Variants in CADPS2 observed in about 807,000 individuals in gnomAD.
CADPS2 encodes calcium-dependent secretion activator 2.
Under a neutral mutation model 172.5 loss-of-function variants are expected in CADPS2, and 93 were observed. That is an observed-to-expected ratio of 0.54 (90% CI 0.46 to 0.64). The LOEUF (loss-of-function observed/expected upper bound fraction) is 0.64, where lower values mean the gene tolerates loss of function less well. Ranked by LOEUF, CADPS2 falls within the 30% of genes least tolerant of loss-of-function variation. The pLI, the probability that CADPS2 is intolerant of heterozygous loss-of-function variation, is 0.00. For synonymous variants in CADPS2, 546 were observed against 555.2 expected, an observed-to-expected ratio of 0.98 and a Z score of 0.23; for missense variants, 1,420 against 1,565.9, an observed-to-expected ratio of 0.91 and a Z score of 1.57.
At chr7:122,402,902 G>A (rs1006526195) in intron 20 of CADPS2, among the ~76,000 whole-genome samples, 8 of 152,016 alleles carry the variant, frequency 5.3e-5, no homozygotes, top group East Asian at 1.9e-4. Context: ...TAATTATTTC[G>A]AATTTAGACA....
intron 1 of CADPS2, among the ~76,000 whole-genome samples, chr7:122,776,260 G>A (rs1589135206): frequency 6.6e-6 from 1 of 152,074 alleles, no homozygotes; most frequent in African/African-American, 2.4e-5. Flanking sequence ...TTTATAAAGG[G>A]CAGATCCCCT....
intron 20 of CADPS2, among the ~76,000 whole-genome samples, chr7:122,396,659 T>C (rs559406265): frequency 1.3e-5 from 2 of 152,324 alleles, no homozygotes; most frequent in African/African-American, 4.8e-5. Context: ...CGATTCAATA[T>C]ACACCTGCTC....
At chr7:122,440,847 A>G (rs1366680838) in intron 16 of CADPS2, among the ~76,000 whole-genome samples, 1 of 152,218 alleles carries the variant, frequency 6.6e-6, no homozygotes, top group African/African-American at 2.4e-5. Flanking sequence ...AGCATCTAAC[A>G]AGTATATGAA....
intron 5 of CADPS2, among the ~76,000 whole-genome samples, chr7:122,617,999 G>C (rs1054292155): frequency 1.3e-5 from 2 of 151,222 alleles, no homozygotes; most frequent in African/African-American, 2.4e-5. Context: ...AGCCGAGATC[G>C]TGCCACTGCA....
At chr7:122,547,451 T>A (rs2063741598) in intron 8 of CADPS2, among the ~76,000 whole-genome samples, 1 of 152,144 alleles carries the variant, frequency 6.6e-6, no homozygotes, top group Non-Finnish European at 1.5e-5. Flanking sequence ...GAAGTTAATA[T>A]CCAAACAATC....
At chr7:122,748,380 T>C (rs2092809717) in intron 1 of CADPS2, among the ~76,000 whole-genome samples, 1 of 152,136 alleles carries the variant, frequency 6.6e-6, no homozygotes, top group African/African-American at 2.4e-5. Flanking sequence ...CTCAGTACCA[T>C]CTGGCATTTC....
intron 1 of CADPS2, among the ~76,000 whole-genome samples, chr7:122,809,438 A>C (rs1285661314): frequency 6.7e-6 from 1 of 150,066 alleles, no homozygotes; most frequent in Non-Finnish European, 1.5e-5. Context: ...AAATTTAGGC[A>C]GGCATGGTGG....
chr7:122,856,723 T>A (rs1018141974), intron 1 of CADPS2, among the ~76,000 whole-genome samples: 4 of 152,204 alleles, frequency 2.6e-5, no homozygotes, highest in African/African-American at 9.7e-5. Context: ...TTTGTGTTCA[T>A]GAAATATATA....
At chr7:122,690,596 T>C (rs754976403) in intron 2 of CADPS2, among the ~76,000 whole-genome samples, 3 of 152,178 alleles carry the variant, frequency 2.0e-5, no homozygotes, top group Non-Finnish European at 4.4e-5. Flanking sequence ...TAATAACAGA[T>C]TATCTCTCAT....
chr7:122,495,404 A>T (rs1449318466), intron 9 of CADPS2, among the ~76,000 whole-genome samples: 1 of 152,214 alleles, frequency 6.6e-6, no homozygotes, highest in East Asian at 1.9e-4. Context: ...ATCGATAAAC[A>T]TCAAGTACTT....
chr7:122,322,980 A>G (rs937051786), intron 29 of CADPS2, among the ~76,000 whole-genome samples: 1 of 152,198 alleles, frequency 6.6e-6, no homozygotes, highest in Non-Finnish European at 1.5e-5. Flanking sequence ...GGATGGAAGG[A>G]AAGTCTGGTT....
intron 8 of CADPS2, among the ~76,000 whole-genome samples, chr7:122,541,190 T>C (rs1489143618): frequency 6.6e-6 from 1 of 151,636 alleles, no homozygotes; most frequent in Non-Finnish European, 1.5e-5. Context: ...AAACTGGTAT[T>C]ATGAGATGAT....
intron 8 of CADPS2, among the ~76,000 whole-genome samples, chr7:122,531,338 C>T (rs2061736208): frequency 6.6e-6 from 1 of 152,168 alleles, no homozygotes; most frequent in African/African-American, 2.4e-5. Context: ...GAGAATCCCC[C>T]CAGGAGGGGA....
chr7:122,609,375 G>A (rs1229655951), intron 6 of CADPS2, among the ~76,000 whole-genome samples: 2 of 152,066 alleles, frequency 1.3e-5, no homozygotes, highest in Non-Finnish European at 2.9e-5. Context: ...TGTCTGGAAA[G>A]GGTAAAATGC....
chr7:122,774,759 T>A (rs531412273), intron 1 of CADPS2, among the ~76,000 whole-genome samples: 10 of 152,292 alleles, frequency 6.6e-5, no homozygotes, highest in Middle Eastern at 3.4e-3. Context: ...GACTGAATTA[T>A]TTCTACTCTT....
chr7:122,484,253 T>C lies in CADPS2; in HGVS notation c.1853-3393A>G, dbSNP rs145560887. On this transcript the variant is annotated intron_variant, in intron 11 of 29. Coordinates refer to ENST00000449022, the MANE Select transcript of CADPS2 (RefSeq NM_017954.11). ...AGAAATCAATTTGGAGGACTTGGAC[T>C]ACCTAACTGTAAGATTTACCAAGCT... is the stretch of plus-strand genomic sequence containing the variant. Among the ~76,000 whole-genome samples, 1,253 of 152,290 alleles carry C rather than the reference T, an allele frequency of 8.2e-3. 5 individuals are homozygous for C. The highest frequency in any genetic ancestry group is 0.012 in the Non-Finnish European group (828 of 68,008).
At chr7:122,792,826 T>A (rs936616137) in intron 1 of CADPS2, among the ~76,000 whole-genome samples, 1 of 152,202 alleles carries the variant, frequency 6.6e-6, no homozygotes, top group Non-Finnish European at 1.5e-5. Context: ...ATCTGGTCTC[T>A]CCAGACTAAC....
chr7:122,474,416 A>G lies in CADPS2; in HGVS notation c.1963T>C (p.Leu655=). ...FLFRILQRQT[L]DHRLNDSYSC... ...TAGGAATCATTCAGTCTGTGATCCA[A>G]AGTCTGCCTCTGGAGTATTCTAAAA... Residue 655 remains leucine (L), a synonymous_variant, in exon 13 of 30, where the codon TTG becomes CTG. Transcript: ENST00000449022. 2 of 1,613,480 alleles carry G rather than the reference A, an allele frequency of 1.2e-6. No homozygotes were observed. Among genetic ancestry groups the G allele is most frequent in the Non-Finnish European group, 1.7e-6 (2 of 1,179,656 alleles).
intron 10 of CADPS2, among the ~76,000 whole-genome samples, chr7:122,490,935 G>A (rs1010605054): frequency 2.0e-5 from 3 of 152,052 alleles, no homozygotes; most frequent in Non-Finnish European, 2.9e-5. Flanking sequence ...GTACAAGCAT[G>A]TATTGTTGGG....
Sources: allele counts gnomAD v4.1 joint callset (sites outside exome capture counted in the v4.1 genomes callset), GRCh38; gene constraint gnomAD v4.1.1; transcripts MANE v1.5; gene names NCBI Gene and HGNC (gene_info 2026-07-23, HGNC 2026-07-21).